Variants in EIF4G3 observed in about 807,000 individuals in gnomAD.
EIF4G3 encodes eukaryotic translation initiation factor 4 gamma 3, also known as eIF-4-gamma 3.
EIF4G3 carries 34 observed loss-of-function variants against 186.4 expected under a neutral mutation model. The observed-to-expected ratio is 0.18, with a 90% confidence interval of 0.14 to 0.24. EIF4G3 has a LOEUF of 0.24. Ranked by LOEUF, EIF4G3 falls within the 10% of genes least tolerant of loss-of-function variation. The pLI is 1.00. For synonymous variants in EIF4G3, 673 were observed against 679.5 expected, an observed-to-expected ratio of 0.99 and a Z score of 0.15; for missense variants, 1,536 against 1,948.5, an observed-to-expected ratio of 0.79 and a Z score of 3.99.
chr1:21,036,005 T>C (rs531026374), intron 4 of EIF4G3, among the ~76,000 whole-genome samples: 1 of 152,236 alleles, frequency 6.6e-6, no homozygotes, highest in South Asian at 2.1e-4. Context: ...CTACCCTCTC[T>C]AGGGCCTCCT....
At chr1:20,927,428 T>G (rs369465174) in intron 14 of EIF4G3, among the ~76,000 whole-genome samples, 5 of 152,362 alleles carry the variant, frequency 3.3e-5, no homozygotes, top group Middle Eastern at 3.4e-3. Context: ...CTTAGACAGA[T>G]ATCTGGCATC....
chr1:20,947,127 G>A (rs1053502600), intron 13 of EIF4G3, among the ~76,000 whole-genome samples: 4 of 152,026 alleles, frequency 2.6e-5, no homozygotes, highest in African/African-American at 9.7e-5. Flanking sequence ...CAGGCAGGTC[G>A]CTTGAGCTCA....
At chr1:20,945,724 ATCC>A (rs1371951714) in intron 13 of EIF4G3, among the ~76,000 whole-genome samples, 1 of 152,164 alleles carries the variant, frequency 6.6e-6, no homozygotes, top group African/African-American at 2.4e-5. Context: ...CTCGTAAGCA[ATCC>A]TCCTGCCTCG....
intron 36 of EIF4G3, among the ~76,000 whole-genome samples, chr1:20,808,000 C>T (rs1406722623): frequency 6.6e-6 from 1 of 151,208 alleles, no homozygotes; most frequent in East Asian, 1.9e-4. Flanking sequence ...TTTCCTGCCT[C>T]AGCCTCCCAA....
chr1:21,096,986 T>C (rs1439782238), intron 2 of EIF4G3, among the ~76,000 whole-genome samples: 1 of 152,190 alleles, frequency 6.6e-6, no homozygotes, highest in Non-Finnish European at 1.5e-5. Flanking sequence ...GACTGCATGA[T>C]GTGAATTTAC....
At chr1:20,874,199 T>C (rs1487684981) in intron 20 of EIF4G3, among the ~76,000 whole-genome samples, 1 of 152,206 alleles carries the variant, frequency 6.6e-6, no homozygotes, top group Admixed American at 6.5e-5. Flanking sequence ...CTTTTGATTA[T>C]ACACCTAGTA....
chr1:20,833,546 T>C (rs1055308629), intron 30 of EIF4G3, among the ~76,000 whole-genome samples: 1 of 152,224 alleles, frequency 6.6e-6, no homozygotes, highest in Admixed American at 6.5e-5. Flanking sequence ...AATCATGTCG[T>C]CTGCAAACAG....
At chr1:21,024,588 T>C (rs964902830) in intron 4 of EIF4G3, among the ~76,000 whole-genome samples, 1 of 149,794 alleles carries the variant, frequency 6.7e-6, no homozygotes, top group Admixed American at 6.7e-5. Context: ...TCTGTGACCT[T>C]ACCCCCAACC....
At chr1:21,100,982 A>C (rs1307860197) in intron 2 of EIF4G3, among the ~76,000 whole-genome samples, 1 of 152,188 alleles carries the variant, frequency 6.6e-6, no homozygotes, top group Non-Finnish European at 1.5e-5. Context: ...CACTAGTATC[A>C]AGAAAAGATC....
At chr1:21,010,180 C>T (rs1042817621) in intron 4 of EIF4G3, among the ~76,000 whole-genome samples, 13 of 152,036 alleles carry the variant, frequency 8.6e-5, no homozygotes, top group Non-Finnish European at 1.3e-4. Context: ...GGCACGATGG[C>T]TCACACCTGT....
chr1:21,148,905 C>A (rs2097502980), intron 2 of EIF4G3, among the ~76,000 whole-genome samples: 1 of 151,572 alleles, frequency 6.6e-6, no homozygotes. Context: ...ACTATAAAGC[C>A]ATTAAAGATG....
At chr1:20,957,281 T>C (rs1181003189) in intron 12 of EIF4G3, among the ~76,000 whole-genome samples, 2 of 152,146 alleles carry the variant, frequency 1.3e-5, no homozygotes, top group African/African-American at 4.8e-5. Context: ...AAATAATCTG[T>C]TTCTACATGG....
intron 3 of EIF4G3, among the ~76,000 whole-genome samples, chr1:21,084,329 A>C (rs2095888834): frequency 6.6e-6 from 1 of 152,094 alleles, no homozygotes; most frequent in Non-Finnish European, 1.5e-5. Flanking sequence ...ATGGTAGAAA[A>C]CGAAGAGGAA....
intron 29 of EIF4G3, among the ~76,000 whole-genome samples, chr1:20,847,549 T>A (rs2071568509): frequency 6.6e-6 from 1 of 152,234 alleles, no homozygotes; most frequent in Non-Finnish European, 1.5e-5. Context: ...AAATTACATC[T>A]GAAGCCAATC....
chr1:21,095,779 G>A (rs2096351522), intron 2 of EIF4G3, among the ~76,000 whole-genome samples: 1 of 151,626 alleles, frequency 6.6e-6, no homozygotes, highest in South Asian at 2.1e-4. Flanking sequence ...TATCCTGTAA[G>A]TTTAGAAACA....
At chr1:21,120,173 T>C (rs1002392540) in intron 2 of EIF4G3, among the ~76,000 whole-genome samples, 6 of 150,348 alleles carry the variant, frequency 4.0e-5, no homozygotes, top group African/African-American at 2.5e-5. Flanking sequence ...AATGATGCTG[T>C]CACTTTTGAC....
intron 4 of EIF4G3, among the ~76,000 whole-genome samples, chr1:21,029,830 A>G (rs532684513): frequency 6.6e-6 from 1 of 152,242 alleles, no homozygotes; most frequent in African/African-American, 2.4e-5. Flanking sequence ...AACAAAGACT[A>G]TGGTCAGAAA....
intron 28 of EIF4G3, among the ~76,000 whole-genome samples, chr1:20,850,325 T>C (rs1336604776): frequency 6.6e-6 from 1 of 152,202 alleles, no homozygotes; most frequent in Non-Finnish European, 1.5e-5. Flanking sequence ...TATCCTGTTA[T>C]ATTTCAAAAG....
At chr1:21,172,543 C>T (rs1165986674) in intron 2 of EIF4G3, among the ~76,000 whole-genome samples, 1 of 152,012 alleles carries the variant, frequency 6.6e-6, no homozygotes, top group Non-Finnish European at 1.5e-5. Flanking sequence ...ATGTGGCAAT[C>T]CTATTTATTT....
Sources: gnomAD v4.1 joint callset for allele counts (sites outside exome capture counted in the v4.1 genomes callset) on GRCh38, gnomAD v4.1.1 for gene constraint, MANE v1.5 for transcripts, NCBI Gene and HGNC (gene_info 2026-07-23, HGNC 2026-07-21) for gene names.